The following GRM5 variants were observed in gnomAD, a reference collection of about 807,000 sequenced individuals.
GRM5 encodes glutamate metabotropic receptor 5, also known as metabotropic glutamate receptor 5.
A neutral mutation model predicts 83.1 loss-of-function variants in GRM5; 19 were observed. The observed-to-expected ratio is 0.23, with a 90% CI of 0.16 to 0.34. The LOEUF (loss-of-function observed/expected upper bound fraction) is 0.34, where lower values mean the gene tolerates loss of function less well. Among genes scored for constraint, GRM5 ranks in the 10% least tolerant of loss-of-function variants. The probability of loss-of-function intolerance (pLI) is 1.00; values close to 1 mark genes in which losing one functional copy is unlikely to be tolerated. For missense variants in GRM5, 1,160 were observed against 1,588.3 expected (o/e 0.73, Z 4.58); for synonymous variants, 675 against 633.6 (o/e 1.07, Z -0.98).
At chr11:88,951,750 G>C (rs1217380738) in intron 2 of GRM5, among the ~76,000 whole-genome samples, 5 of 152,186 alleles carry the variant, frequency 3.3e-5, no homozygotes, top group Admixed American at 3.3e-4. Flanking sequence ...GATATTTTAA[G>C]TACAATTGTT....
chr11:88,786,144 A>T (rs1943063885), intron 3 of GRM5, among the ~76,000 whole-genome samples: 1 of 152,158 alleles, frequency 6.6e-6, no homozygotes, highest in Non-Finnish European at 1.5e-5. Flanking sequence ...GTGATCTGAG[A>T]AATAGATGAT....
intron 2 of GRM5, among the ~76,000 whole-genome samples, chr11:88,957,252 G>C (rs1470779336): frequency 6.6e-6 from 1 of 152,180 alleles, no homozygotes; most frequent in Non-Finnish European, 1.5e-5. Context: ...ATATATTCAA[G>C]AGAATTGTAA....
chr11:88,782,393 G>A (rs1942990751), intron 3 of GRM5, among the ~76,000 whole-genome samples: 2 of 152,116 alleles, frequency 1.3e-5, no homozygotes, highest in Admixed American at 6.6e-5. Context: ...AAGAGAGCTT[G>A]TGCAGGGAAA....
intron 3 of GRM5, among the ~76,000 whole-genome samples, chr11:88,755,637 A>G (rs1032022408): frequency 6.6e-6 from 1 of 152,170 alleles, no homozygotes; most frequent in Non-Finnish European, 1.5e-5. Flanking sequence ...AGTATGCCTA[A>G]GCAGTTTTTG....
At chr11:88,987,712 G>A (rs920859934) in intron 2 of GRM5, among the ~76,000 whole-genome samples, 5 of 151,966 alleles carry the variant, frequency 3.3e-5, no homozygotes, top group Admixed American at 2.0e-4. Context: ...CCTGACCCCC[G>A]AGCAGCCTAA....
At position 88,742,082 on chromosome 11, in the gene GRM5, C is replaced by A. The variant is rs554296505; in HGVS notation, c.912-88679G>T. ...GCTGTGCCACAGATATTTATAGACT[C>A]TTAAATAGCTGTAAAAGCGTGGCAT... On this transcript the variant is annotated intron_variant, in intron 3 of 9. Coordinates refer to ENST00000305447, the MANE Select transcript of GRM5 (RefSeq NM_001143831.3). Among the ~76,000 whole-genome samples, 69 of 151,976 alleles carry A rather than the reference C, an allele frequency of 4.5e-4. 1 individual carries two copies. The highest frequency in any genetic ancestry group is 1.7e-3 in the African/African-American group (69 of 41,512).
intron 3 of GRM5, among the ~76,000 whole-genome samples, chr11:88,681,759 C>A (rs1402392084): frequency 6.6e-6 from 1 of 150,940 alleles, no homozygotes; most frequent in Admixed American, 6.6e-5. Flanking sequence ...TTAGTAGAGA[C>A]GTGGTTTCAC....
At chr11:88,637,010 G>C (rs1423426066) in intron 4 of GRM5, among the ~76,000 whole-genome samples, 2 of 152,074 alleles carry the variant, frequency 1.3e-5, no homozygotes, top group East Asian at 3.8e-4. Flanking sequence ...TGTTCTTTTG[G>C]CTTAGGATTG....
chr11:88,972,839 T>A (rs1258411480), intron 2 of GRM5, among the ~76,000 whole-genome samples: 1 of 152,120 alleles, frequency 6.6e-6, no homozygotes, highest in Non-Finnish European at 1.5e-5. Flanking sequence ...CCATCATCAA[T>A]AATGAAACAA....
chr11:88,774,736 A>G (rs561006442), intron 3 of GRM5, among the ~76,000 whole-genome samples: 1 of 152,274 alleles, frequency 6.6e-6, no homozygotes, highest in African/African-American at 2.4e-5. Flanking sequence ...GGTTCTGTTC[A>G]TGTGATGGAT....
chr11:88,668,727 A>C (rs1940115582), intron 3 of GRM5, among the ~76,000 whole-genome samples: 1 of 152,212 alleles, frequency 6.6e-6, no homozygotes, highest in Admixed American at 6.5e-5. Flanking sequence ...CTATAAGCAC[A>C]ATATTGCACA....
intron 3 of GRM5, among the ~76,000 whole-genome samples, chr11:88,711,426 T>C (rs1941278155): frequency 6.6e-6 from 1 of 152,020 alleles, no homozygotes; most frequent in Non-Finnish European, 1.5e-5. Flanking sequence ...GAGGAACAAA[T>C]GAAAGGGACA....
At position 88,992,761 on chromosome 11, in the gene GRM5, G is replaced by A. The variant is rs530637195; in HGVS notation, c.661+54451C>T. On this transcript the variant is annotated intron_variant, in intron 2 of 9. Coordinates refer to ENST00000305447, the MANE Select transcript of GRM5 (RefSeq NM_001143831.3). Reference sequence around the variant, plus strand: ...AAACCATCATTCTCAGCAAACTATCGCAAGGACAAAAAACCAAGCACCACG... The same window carrying A: ...AAACCATCATTCTCAGCAAACTATCACAAGGACAAAAAACCAAGCACCACG... 3.1e-3 allele frequency among the ~76,000 whole-genome samples: 475 copies of A among 150,952 alleles called. 4 individuals are homozygous for A. The highest frequency in any genetic ancestry group is 5.4e-3 in the Non-Finnish European group (369 of 67,888).
At chr11:88,671,693 C>T (rs1475604348) in intron 3 of GRM5, among the ~76,000 whole-genome samples, 1 of 151,888 alleles carries the variant, frequency 6.6e-6, no homozygotes, top group Non-Finnish European at 1.5e-5. Context: ...ATACATATTC[C>T]ACTTACATAA....
chr11:88,913,174 T>G (rs1590959274), intron 2 of GRM5, among the ~76,000 whole-genome samples: 2 of 152,260 alleles, frequency 1.3e-5, no homozygotes, highest in East Asian at 3.9e-4. Flanking sequence ...TCAATGACCA[T>G]GTTAGAAGGT....
chr11:88,555,745 A>G (rs1942611401), intron 8 of GRM5, among the ~76,000 whole-genome samples: 1 of 152,140 alleles, frequency 6.6e-6, no homozygotes, highest in Admixed American at 6.6e-5. Flanking sequence ...TGCTGTGACT[A>G]TTTTCTTCAG....
intron 2 of GRM5, among the ~76,000 whole-genome samples, chr11:88,909,223 T>C (rs1196567797): frequency 6.6e-6 from 1 of 152,126 alleles, no homozygotes. Context: ...AGCATGGTTC[T>C]ATTAATCTTG....
At chr11:88,814,239 G>A (rs1347800756) in intron 3 of GRM5, among the ~76,000 whole-genome samples, 1 of 152,172 alleles carries the variant, frequency 6.6e-6, no homozygotes, top group Non-Finnish European at 1.5e-5. Context: ...CTAGCCCATA[G>A]CCACAAGGGA....
chr11:88,847,604 A>T (rs926069530), intron 3 of GRM5, among the ~76,000 whole-genome samples: 2 of 152,186 alleles, frequency 1.3e-5, no homozygotes, highest in African/African-American at 4.8e-5. Context: ...AAAAAAAAAC[A>T]TGGGCCAAGA....
Sources: gnomAD v4.1 joint callset for allele counts (sites outside exome capture counted in the v4.1 genomes callset) on GRCh38, gnomAD v4.1.1 for gene constraint, MANE v1.5 for transcripts, NCBI Gene and HGNC (gene_info 2026-07-23, HGNC 2026-07-21) for gene names.